STK33: variants seen among roughly 807,000 people sequenced by gnomAD.
STK33 encodes serine/threonine kinase 33, also known as serine/threonine-protein kinase 33.
Under a neutral mutation model 58.0 loss-of-function variants are expected in STK33, and 52 were observed. The ratio of observed to expected loss-of-function variants is 0.90; its 90% CI spans 0.72 to 1.13. The LOEUF is 1.13. Among genes scored for constraint, STK33 ranks in the 50% most tolerant of loss-of-function variants. The probability of loss-of-function intolerance (pLI) is 0.00; values close to 1 mark genes in which losing one functional copy is unlikely to be tolerated. For synonymous variants in STK33, 215 were observed against 200.1 expected, an observed-to-expected ratio of 1.07 and a Z score of -0.63; for missense variants, 630 against 604.2, an observed-to-expected ratio of 1.04 and a Z score of -0.45.
chr11:8,361,202 G>A, the STK33 span, among the ~76,000 whole-genome samples: 1 of 152,236 alleles, frequency 6.6e-6, no homozygotes, highest in South Asian at 2.1e-4. This position sits in a 1 kb window ranked among gnomAD's most constrained non-coding sequence, Gnocchi z 4.8. Flanking sequence ...ACCTGGGCAG[G>A]GCCAGAGGGA....
At chr11:8,437,199 A>G (rs1207197075) in intron 12 of STK33, among the ~76,000 whole-genome samples, 1 of 152,230 alleles carries the variant, frequency 6.6e-6, no homozygotes, top group Non-Finnish European at 1.5e-5. Flanking sequence ...CTGTGTATAA[A>G]GTGAACATGG....
the STK33 span, among the ~76,000 whole-genome samples, chr11:8,369,504 A>G: frequency 1.8e-5 from 2 of 111,498 alleles, no homozygotes; most frequent in Non-Finnish European, 3.3e-5. Context: ...CTTCTTTGTC[A>G]TTTGTGTGGA....
chr11:8,593,566 C>T (rs78463099), intron 1 of STK33, among the ~76,000 whole-genome samples: 180 of 152,228 alleles, frequency 1.2e-3, no homozygotes, highest in African/African-American at 4.2e-3. Context: ...AGAGCCAGTA[C>T]GGGGCTGCTT....
the STK33 span, among the ~76,000 whole-genome samples, chr11:8,355,272 G>A: frequency 6.6e-6 from 1 of 152,260 alleles, no homozygotes; most frequent in Non-Finnish European, 1.5e-5. Context: ...CACATGCACT[G>A]AGTATGGGGT....
chr11:8,512,737 A>G (rs543915554), intron 1 of STK33, among the ~76,000 whole-genome samples: 25 of 152,114 alleles, frequency 1.6e-4, no homozygotes, highest in Non-Finnish European at 2.9e-4. Context: ...TTCTTCTTGC[A>G]CAAGCTTGTT....
the STK33 span, among the ~76,000 whole-genome samples, chr11:8,337,646 G>A: frequency 1.8e-4 from 4 of 21,670 alleles, no homozygotes; most frequent in African/African-American, 4.8e-4. Context: ...GGCGGGGGGC[G>A]GGGGGGGGGC....
intron 11 of STK33, among the ~76,000 whole-genome samples, chr11:8,451,444 C>A (rs180766027): frequency 2.0e-5 from 3 of 152,146 alleles, no homozygotes; most frequent in Admixed American, 2.0e-4. Flanking sequence ...CATGAACGTA[C>A]CTCAAAAGCA....
downstream of STK33, among the ~76,000 whole-genome samples, chr11:8,390,897 T>C (rs199570406): frequency 1.6e-4 from 24 of 152,314 alleles, no homozygotes; most frequent in East Asian, 3.3e-3. Flanking sequence ...AGAATATCAC[T>C]GTGAAAGTAA....
At chr11:8,419,640 G>A (rs1317301848) in intron 14 of STK33, among the ~76,000 whole-genome samples, 3 of 152,260 alleles carry the variant, frequency 2.0e-5, no homozygotes, top group East Asian at 3.9e-4. Flanking sequence ...TAATTTGATA[G>A]GCATAGCAGT....
At position 8,464,703 on chromosome 11, in the gene STK33, C is replaced by T. The variant is rs1427122343; in HGVS notation, c.453+6G>A. 16 of 1,605,042 alleles carry T rather than the reference C, an allele frequency of 1.0e-5. No homozygotes were observed. The highest frequency in any genetic ancestry group is 1.4e-5 in the Non-Finnish European group (16 of 1,172,126). ...CCCTCAGTAGGATGCTGCTAATGAG[C>T]CTTACCTTTTCTTTGTTCACTTTTT... On this transcript the variant is annotated splice_donor_region_variant and intron_variant, in intron 7 of 15. Transcript: ENST00000687296.
intron 1 of STK33, among the ~76,000 whole-genome samples, chr11:8,568,451 C>A (rs1195929995): frequency 2.0e-5 from 3 of 152,034 alleles, no homozygotes; most frequent in African/African-American, 7.2e-5. Context: ...AAAATGAATA[C>A]CACAGTATGG....
At chr11:8,408,840 C>T (rs1939714174) in intron 15 of STK33, among the ~76,000 whole-genome samples, 1 of 152,188 alleles carries the variant, frequency 6.6e-6, no homozygotes. Flanking sequence ...TGTCCTCTCC[C>T]AGGGGAGTTG....
chr11:8,552,021 C>T (rs1956334399), intron 1 of STK33, among the ~76,000 whole-genome samples: 1 of 152,186 alleles, frequency 6.6e-6, no homozygotes, highest in Admixed American at 6.5e-5. Context: ...CCCCAATTCA[C>T]CCCCAGATGG....
At chr11:8,435,398 G>T in intron 14 of STK33, 96 bp downstream of exon 14, 1 of 599,666 alleles carries the variant, frequency 1.7e-6, no homozygotes, top group Non-Finnish European at 2.5e-6. Context: ...CAAACTAATT[G>T]ACTGTTTTAA....
At chr11:8,355,266 T>A in the STK33 span, among the ~76,000 whole-genome samples, 1 of 152,238 alleles carries the variant, frequency 6.6e-6, no homozygotes, top group African/African-American at 2.4e-5. Flanking sequence ...GCAGGCCACA[T>A]GCACTGAGTA....
chr11:8,549,778 T>A lies in STK33; in HGVS notation c.-466+44305A>T, dbSNP rs1956182943. ...CAATTTGTTGGCATATAGTTGTTCA[T>A]GAGATTCTATAATGATCCTTTGTAT... On this transcript the variant is annotated intron_variant, in intron 1 of 15. Coordinates refer to ENST00000687296, the MANE Select transcript of STK33 (RefSeq NM_001352389.2). Among the ~76,000 whole-genome samples, 4 of 152,310 alleles carry A rather than the reference T, an allele frequency of 2.6e-5. No individual in the cohort carries two copies. The Middle Eastern group carries it at 0.01, about 389-fold the overall frequency.
intron 6 of STK33, among the ~76,000 whole-genome samples, chr11:8,471,296 C>A (rs1175113931): frequency 2.0e-4 from 31 of 152,128 alleles, no homozygotes; most frequent in African/African-American, 4.8e-5. Context: ...TAGTTTTTTA[C>A]AAACTAATCA....
chr11:8,400,687 T>G (rs1937707050), intron 15 of STK33, among the ~76,000 whole-genome samples: 3 of 151,918 alleles, frequency 2.0e-5, no homozygotes, highest in East Asian at 1.9e-4. Context: ...ATTGTCCCTG[T>G]TTGCAGATGA....
At chr11:8,353,238 G>A in the STK33 span, among the ~76,000 whole-genome samples, 5 of 152,228 alleles carry the variant, frequency 3.3e-5, no homozygotes, top group Non-Finnish European at 7.3e-5. Context: ...TCCTGGGTCA[G>A]CAAGAAGCCA....
Sources: allele counts gnomAD v4.1 joint callset (sites outside exome capture counted in the v4.1 genomes callset), GRCh38; gene constraint gnomAD v4.1.1; non-coding constraint Gnocchi (gnomAD v3.1); transcripts MANE v1.5; gene names NCBI Gene and HGNC (gene_info 2026-07-23, HGNC 2026-07-21).